The following IRF1 variants were observed in gnomAD, a reference collection of about 807,000 sequenced individuals.
The protein encoded by IRF1 is interferon regulatory factor-1.
Under a neutral mutation model 43.7 loss-of-function variants are expected in IRF1, and 13 were observed. That is an observed-to-expected ratio of 0.30 (90% CI 0.19 to 0.47). The LOEUF (loss-of-function observed/expected upper bound fraction) is 0.47. IRF1 is among the 20% of genes least tolerant of loss of function. The pLI is 0.99. For missense variants in IRF1, 236 were observed against 408.9 expected (o/e 0.58, Z 3.65); for synonymous variants, 138 against 146.8 (o/e 0.94, Z 0.43).
chr5:132,487,616 C>T, intron 3 of IRF1: 1 of 431,256 alleles, frequency 2.3e-6, no homozygotes, highest in Non-Finnish European at 4.3e-6. Flanking sequence ...AAAGGCAGAC[C>T]TGGGTCTCTT....
chr5:132,486,470 G>A (rs770481764), intron 6 of IRF1, 87 bp downstream of exon 6: 12 of 1,610,596 alleles, frequency 7.5e-6, no homozygotes, highest in South Asian at 2.2e-5. Context: ...TGCACTAATG[G>A]GCCACCATGT....
At position 132,481,864 on chromosome 5, in the gene IRF1, T is replaced by A. The variant is rs1754384893; in HGVS notation, c.*2087A>T. On this transcript the variant is annotated 3_prime_UTR_variant, in exon 10 of 10. Transcript: ENST00000245414. ...TATCAACTGACTTTTTGGAGCAGCA[T>A]CTGTGTGTTAGCAGGACACATCACC... is the stretch of plus-strand genomic sequence containing the variant. 1.3e-5 allele frequency: 2 copies of A among 152,386 alleles called. No individual in the cohort carries two copies. Among genetic ancestry groups the A allele is most frequent in the Admixed American group, 1.3e-4 (2 of 15,286 alleles). The allele number at this position is 152,386 out of a possible 1,614,324, so 9.4% of individuals were successfully genotyped here. A position where few individuals can be genotyped will look rare whatever the true frequency, so the allele number is the denominator to read the frequency against.
At chr5:132,486,166 A>G in intron 7 of IRF1, 85 bp downstream of exon 7, 1 of 1,540,752 alleles carries the variant, frequency 6.5e-7, no homozygotes, top group Non-Finnish European at 8.9e-7. Context: ...TGCCAGGTGG[A>G]GTTCTGATCA....
Position 132,485,745 on chromosome 5 carries a change from C to G in IRF1, c.668-29G>C, listed in dbSNP as rs368236878. ...TGGATGGGGAAAGCAGAGAGGTTGGCTGGCAGTCAGCCACACTCACCCTGC... is the reference window on the plus strand; with the variant it reads ...TGGATGGGGAAAGCAGAGAGGTTGGGTGGCAGTCAGCCACACTCACCCTGC... On this transcript the variant is annotated intron_variant, in intron 7 of 9. Transcript: ENST00000245414. 23 of 1,601,458 alleles carry G rather than the reference C, an allele frequency of 1.4e-5. No homozygotes were observed. In the African/African-American group the frequency reaches 3.1e-4, roughly 21 times the overall value.
chr5:132,487,105 C>G lies in IRF1; in HGVS notation c.213G>C (p.Glu71Asp), dbSNP rs1195876980. Residue 71 changes from glutamate (E) to aspartate (D), a missense_variant, in exon 4 of 10, where the codon GAG becomes GAC. By Grantham distance (45) the Glu-to-Asp change is conservative (BLOSUM62 2). This residue lies in a region of IRF1 where 66 missense variants were observed against 157.1 expected (regional missense o/e 0.42). Transcript: ENST00000245414. ...HTGRYKAGEK[E>D]PDPKTWKANF... ...TGGCCTTCCACGTCTTGGGATCTGG[C>G]TCCTTTTCCCCTGCTTTGTATCGGC... 6 of 1,614,192 alleles carry G rather than the reference C, an allele frequency of 3.7e-6. No homozygotes were observed. Among genetic ancestry groups the G allele is most frequent in the Non-Finnish European group, 5.1e-6 (6 of 1,180,028 alleles).
At chr5:132,487,180 C>G in intron 3 of IRF1, 50 bp from the exon 4 acceptor site, 1 of 1,582,288 alleles carries the variant, frequency 6.3e-7, no homozygotes, top group South Asian at 1.1e-5. Context: ...GGTAGGGATC[C>G]TCAGCTGCCC....
chr5:132,489,891 G>A (rs906461138), intron 1 of IRF1: 3 of 195,838 alleles, frequency 1.5e-5, no homozygotes, highest in Non-Finnish European at 3.3e-5. Flanking sequence ...GTAACCACTA[G>A]CTAGCAAAGG....
chr5:132,486,082 C>G, intron 7 of IRF1, 169 bp downstream of exon 7: 1 of 894,756 alleles, frequency 1.1e-6, no homozygotes, highest in South Asian at 1.5e-5. Flanking sequence ...TCTGAACTGC[C>G]TTCCTAGTGT....
At position 132,486,323 on chromosome 5, in the gene IRF1, C is replaced by G. The variant is rs760051125; in HGVS notation, c.595G>C (p.Val199Leu). Residue 199 changes from valine to leucine, a missense_variant, in exon 7 of 10, where the codon GTG becomes CTG. Coordinates refer to ENST00000245414, the MANE Select transcript of IRF1 (RefSeq NM_002198.3). The stretch of plus-strand genomic sequence containing the variant: ...CTGGTGCTGTCCGGCACAACTTCCA[C>G]TGGGATGTGCCAGTCGGGGAGAGTG... ...SSTLPDWHIP[V>L]EVVPDSTSDL... 1 of 1,613,116 alleles carries G rather than the reference C, an allele frequency of 6.2e-7. No individual in the cohort carries two copies. The highest frequency in any genetic ancestry group is 1.1e-5 in the South Asian group (1 of 91,096).
At position 132,486,706 on chromosome 5, in the gene IRF1, C is replaced by G; in HGVS notation, c.415-20G>C. 6.2e-7 allele frequency: 1 copy of G among 1,613,974 alleles called. No individual in the cohort carries two copies. The highest frequency in any genetic ancestry group is 8.5e-7 in the Non-Finnish European group (1 of 1,179,864). On this transcript the variant is annotated intron_variant, in intron 5 of 9. Transcript: ENST00000245414. ...ACATGACTGTCGAGGGAGAAAGCAG[C>G]TTAGGCCCAGGCCCACCTTAGCATT...
intron 6 of IRF1, 34 bp downstream of exon 6, chr5:132,486,523 T>C: frequency 6.2e-7 from 1 of 1,613,530 alleles, no homozygotes; most frequent in South Asian, 1.1e-5. Flanking sequence ...CCCACTGACC[T>C]GTGGGGTCTC....
rs760938521 is a variant in IRF1 at position 132,486,287 on chromosome 5, T to C, written c.631A>G (p.Asn211Asp). 6.2e-7 allele frequency: 1 copy of C among 1,613,528 alleles called. No individual in the cohort carries two copies. Among genetic ancestry groups the C allele is most frequent in the Admixed American group, 1.7e-5 (1 of 60,020 alleles). ...VVPDSTSDLY[N>D]FQVSPMPSTS... ...GAGGGCATGGGTGACACCTGGAAGT[T>C]GTACAGATCACTGGTGCTGTCCGGC... Residue 211 changes from asparagine (N) to aspartate (D), a missense_variant, in exon 7 of 10, where the codon AAC (asparagine) becomes GAC (aspartate). Asn to Asp is a conservative substitution (Grantham distance 23, BLOSUM62 1). Around this residue, in one of 2 missense-constraint regions of IRF1, gnomAD observed 170 missense variants for 251.8 expected, o/e 0.68. Transcript: ENST00000245414.
chr5:132,484,130 C>T, intron 9 of IRF1, 55 bp from the exon 10 acceptor site: 2 of 1,599,080 alleles, frequency 1.3e-6, no homozygotes, highest in Non-Finnish European at 8.6e-7. Flanking sequence ...ATCAGGTGTG[C>T]TTCCCCCTAC....
chr5:132,487,180 C>T (rs753168413), intron 3 of IRF1, 50 bp from the exon 4 acceptor site: 1 of 1,582,288 alleles, frequency 6.3e-7, no homozygotes, highest in Non-Finnish European at 8.7e-7. Context: ...GGTAGGGATC[C>T]TCAGCTGCCC....
At chr5:132,485,765 C>G in intron 7 of IRF1, 49 bp from the exon 8 acceptor site, 1 of 1,468,964 alleles carries the variant, frequency 6.8e-7, no homozygotes, top group Non-Finnish European at 9.5e-7. Flanking sequence ...GCCACACTCA[C>G]CCTGCAGTTC....
At chr5:132,487,377 G>C in intron 3 of IRF1, 1 of 533,908 alleles carries the variant, frequency 1.9e-6, no homozygotes. Flanking sequence ...AAGCACTAGA[G>C]TCCCCATATC....
intron 5 of IRF1, 49 bp downstream of exon 5, chr5:132,486,746 C>T: frequency 1.2e-6 from 2 of 1,614,206 alleles, no homozygotes; most frequent in Non-Finnish European, 1.7e-6. Flanking sequence ...CCACTGCTCA[C>T]CCTGGCCCAC....
At chr5:132,486,462 C>CA in intron 6 of IRF1, 89 bp from the exon 7 acceptor site, 2 of 1,610,574 alleles carry the variant, frequency 1.2e-6, no homozygotes, top group Admixed American at 1.7e-5. Context: ...CTGCAGCCTG[C>CA]ACTAATGGGC....
chr5:132,486,021 C>G, intron 7 of IRF1: 1 of 618,928 alleles, frequency 1.6e-6, no homozygotes, highest in Non-Finnish European at 2.8e-6. Flanking sequence ...CAAAATGCAG[C>G]CCCTGGCCCC....
Sources: allele counts gnomAD v4.1 joint callset, GRCh38; gene constraint gnomAD v4.1.1; regional missense constraint gnomAD v4.1.1; transcripts MANE v1.5; gene names NCBI Gene and HGNC (gene_info 2026-07-23, HGNC 2026-07-21).